PCNX2: variants seen among roughly 807,000 people sequenced by gnomAD.
The protein encoded by PCNX2 is pecanex 2.
PCNX2 carries 168 observed loss-of-function variants against 223.8 expected under a neutral mutation model. The ratio of observed to expected loss-of-function variants is 0.75; its 90% CI spans 0.66 to 0.85. The LOEUF is 0.85. PCNX2 is among the 40% of genes least tolerant of loss of function. The probability of loss-of-function intolerance (pLI) is 0.00; values close to 1 mark genes in which losing one functional copy is unlikely to be tolerated. For missense variants in PCNX2, 2,507 were observed against 2,675.5 expected (o/e 0.94, Z 1.39); for synonymous variants, 1,006 against 1,052.6 (o/e 0.96, Z 0.86).
rs151288523 is a variant in PCNX2 at position 233,131,690 on chromosome 1, C to T, written c.3837+3323G>A. On this transcript the variant is annotated intron_variant, in intron 21 of 33. Coordinates refer to ENST00000258229, the MANE Select transcript of PCNX2 (RefSeq NM_014801.4). ...CCAGGATTCAGAATCCCCAACTTTC[C>T]GACTTGCTGCCTACTTTCCTTGCTT... 2.0e-4 allele frequency among the ~76,000 whole-genome samples: 31 copies of T among 152,288 alleles called. 1 individual carries two copies. The highest frequency in any genetic ancestry group is 6.7e-4 in the African/African-American group (28 of 41,538).
At chr1:233,268,588 G>T (rs185482217) in intron 1 of PCNX2, among the ~76,000 whole-genome samples, 1 of 152,276 alleles carries the variant, frequency 6.6e-6, no homozygotes, top group South Asian at 2.1e-4. Flanking sequence ...ATGCTGCAGC[G>T]TTGATGAGCT....
At chr1:233,218,780 G>C (rs1188790300) in intron 10 of PCNX2, among the ~76,000 whole-genome samples, 1 of 151,984 alleles carries the variant, frequency 6.6e-6, no homozygotes, top group Admixed American at 6.5e-5. Flanking sequence ...TGGGTTTACT[G>C]GCAAAACGTA....
At chr1:233,113,954 T>C (rs1388173627) in intron 21 of PCNX2, among the ~76,000 whole-genome samples, 1 of 152,226 alleles carries the variant, frequency 6.6e-6, no homozygotes, top group Admixed American at 6.5e-5. Flanking sequence ...CGGAGTTTTA[T>C]TTCATATCTA....
At chr1:233,257,830 T>C (rs892004170) in intron 5 of PCNX2, among the ~76,000 whole-genome samples, 198 bp downstream of exon 5, 12 of 152,048 alleles carry the variant, frequency 7.9e-5, no homozygotes, top group African/African-American at 2.9e-4. Flanking sequence ...CCTGGTAGAG[T>C]AGGACAATAT....
chr1:233,088,149 G>A (rs7539313), intron 23 of PCNX2, among the ~76,000 whole-genome samples: 95,485 of 151,936 alleles, frequency 0.63, 30,508 homozygotes, highest in African/African-American at 0.67. Flanking sequence ...TTGCGCAGGT[G>A]TTAGTATGCC....
intron 17 of PCNX2, among the ~76,000 whole-genome samples, chr1:233,171,481 T>C (rs966080461): frequency 6.6e-6 from 1 of 152,210 alleles, no homozygotes; most frequent in African/African-American, 2.4e-5. Flanking sequence ...GTAGTTACTT[T>C]CTTTACACAT....
At chr1:233,117,340 C>T (rs1396833607) in intron 21 of PCNX2, among the ~76,000 whole-genome samples, 1 of 152,066 alleles carries the variant, frequency 6.6e-6, no homozygotes, top group Non-Finnish European at 1.5e-5. Flanking sequence ...CACAAAAGAC[C>T]ACAACCCCCG....
At chr1:233,061,289 T>C (rs1672395888) in intron 23 of PCNX2, among the ~76,000 whole-genome samples, 1 of 152,142 alleles carries the variant, frequency 6.6e-6, no homozygotes. Context: ...CCTTTAAAAT[T>C]GATTATATGC....
chr1:233,196,332 TA>T (rs999930083), intron 15 of PCNX2, among the ~76,000 whole-genome samples: 9 of 150,658 alleles, frequency 6.0e-5, no homozygotes, highest in East Asian at 1.9e-4. Context: ...AGGTAAGACA[TA>T]AAAAAAACCC....
Position 232,986,471 on chromosome 1 carries a change from C to T in PCNX2, c.5861G>A (p.Ser1954Asn). ...SALSQRPPML[S>N]SSGPILESRQ... ...GCTCTCTAAGATGGGGCCAGATGAG[C>T]TCAGCATGGGCGGCCTTTGGCTTAG... is the stretch of plus-strand genomic sequence containing the variant. The change falls in exon 33 of 34, where the codon AGC becomes AAC. Residue 1954 changes from serine (S) to asparagine (N), a missense_variant. Around this residue, in one of 3 missense-constraint regions of PCNX2, gnomAD observed 1,372 missense variants for 1,509.4 expected, o/e 0.91. Transcript: ENST00000258229. The T allele has an allele frequency of 6.2e-7, 1 of 1,601,530 alleles. No homozygotes were observed. Among genetic ancestry groups the T allele is most frequent in the Non-Finnish European group, 8.5e-7 (1 of 1,172,920 alleles).
At chr1:233,310,660 G>GTCCC in the PCNX2 span, among the ~76,000 whole-genome samples, 2 of 152,136 alleles carry the variant, frequency 1.3e-5, no homozygotes, top group Non-Finnish European at 2.9e-5. Flanking sequence ...AGGTGTCTCT[G>GTCCC]TCCCTGTGTA....
At chr1:233,115,288 CT>C (rs1461271943) in intron 21 of PCNX2, among the ~76,000 whole-genome samples, 1 of 152,050 alleles carries the variant, frequency 6.6e-6, no homozygotes, top group Non-Finnish European at 1.5e-5. Flanking sequence ...AATGCTCCCC[CT>C]ACCCCACACC....
At chr1:233,254,885 TTG>T (rs1434714755) in intron 5 of PCNX2, among the ~76,000 whole-genome samples, 1 of 152,208 alleles carries the variant, frequency 6.6e-6, no homozygotes, top group African/African-American at 2.4e-5. Context: ...TAAATTTACA[TTG>T]TTTCAATTTT....
At chr1:233,020,234 T>C (rs1055653168) in intron 26 of PCNX2, among the ~76,000 whole-genome samples, 1 of 152,226 alleles carries the variant, frequency 6.6e-6, no homozygotes. Flanking sequence ...CTCAGTTTTC[T>C]AAATCACAGC....
intron 9 of PCNX2, among the ~76,000 whole-genome samples, chr1:233,234,654 T>A (rs559071519): frequency 6.6e-6 from 1 of 152,228 alleles, no homozygotes; most frequent in African/African-American, 2.4e-5. Flanking sequence ...CATTTGATAA[T>A]CTAAAGTTTC....
intron 21 of PCNX2, among the ~76,000 whole-genome samples, chr1:233,097,108 C>G (rs1048817402): frequency 4.6e-5 from 7 of 152,048 alleles, no homozygotes; most frequent in Non-Finnish European, 8.8e-5. Flanking sequence ...AAAGGTCTCT[C>G]AAAGGCACAG....
intron 21 of PCNX2, 85 bp from the exon 22 acceptor site, chr1:233,095,948 AAGGTT>A: frequency 1.1e-6 from 1 of 942,766 alleles, no homozygotes; most frequent in Admixed American, 2.4e-5. Flanking sequence ...GACATTTGTC[AAGGTT>A]AGGAAGGGGC....
rs533756866 is a variant in PCNX2 at position 233,016,260 on chromosome 1, G to A, written c.4839+661C>T. 1.9e-3 allele frequency among the ~76,000 whole-genome samples: 283 copies of A among 152,326 alleles called. 1 individual carries two copies. The highest frequency in any genetic ancestry group is 6.7e-3 in the African/African-American group (278 of 41,564). ...ACAGACTGCATCAGCTGCTGAGGAA[G>A]TTGTTTCTAACTTGTACCCACATTT... On this transcript the variant is annotated intron_variant, in intron 27 of 33. Coordinates refer to ENST00000258229, the MANE Select transcript of PCNX2 (RefSeq NM_014801.4).
chr1:233,136,668 C>T (rs942466506), intron 20 of PCNX2, among the ~76,000 whole-genome samples: 12 of 152,256 alleles, frequency 7.9e-5, no homozygotes, highest in African/African-American at 2.9e-4. Context: ...CCATAACTGG[C>T]CTTCCTTTTC....
Sources: allele counts gnomAD v4.1 joint callset (sites outside exome capture counted in the v4.1 genomes callset), GRCh38; gene constraint gnomAD v4.1.1; regional missense constraint gnomAD v4.1.1; transcripts MANE v1.5; gene names NCBI Gene and HGNC (gene_info 2026-07-23, HGNC 2026-07-21).